SLC12A2: variants seen among roughly 807,000 people sequenced by gnomAD.
The protein encoded by SLC12A2 is Na-K-2Cl cotransporter 1.
In SLC12A2, 67 loss-of-function variants were observed where a neutral mutation model predicts 136.3. The observed-to-expected ratio is 0.49, with a 90% CI of 0.40 to 0.60. SLC12A2 has a LOEUF of 0.60. SLC12A2 is among the 20% of genes least tolerant of loss of function. SLC12A2 has a pLI of 0.00. For missense variants in SLC12A2, 1,322 were observed against 1,534.7 expected (o/e 0.86, Z 2.32); for synonymous variants, 619 against 562.9 (o/e 1.10, Z -1.41).
At chr5:128,180,043 C>T (rs551572043) in intron 22 of SLC12A2, among the ~76,000 whole-genome samples, 2 of 140,824 alleles carry the variant, frequency 1.4e-5, no homozygotes, top group South Asian at 2.3e-4. Flanking sequence ...AATCTCGGCC[C>T]ACTGAAAGCT....
chr5:128,114,181 T>C (rs1359131849), intron 2 of SLC12A2, 31 bp from the exon 3 acceptor site: 1 of 1,489,020 alleles, frequency 6.7e-7, no homozygotes. Context: ...TTCTTCTTCC[T>C]CTGTGTCTTG....
chr5:128,173,976 T>C (rs1581136250), intron 19 of SLC12A2, among the ~76,000 whole-genome samples: 1 of 151,594 alleles, frequency 6.6e-6, no homozygotes, highest in African/African-American at 2.4e-5. Context: ...GTGGGTAGAG[T>C]TTTTCAGTGT....
At chr5:128,126,328 A>G (rs1761794126) in intron 4 of SLC12A2, among the ~76,000 whole-genome samples, 1 of 152,210 alleles carries the variant, frequency 6.6e-6, no homozygotes, top group African/African-American at 2.4e-5. Context: ...AAAGGCACTC[A>G]ACATCACTGG....
intron 10 of SLC12A2, among the ~76,000 whole-genome samples, chr5:128,142,460 A>C (rs1323884220): frequency 3.9e-5 from 6 of 152,124 alleles, no homozygotes; most frequent in Non-Finnish European, 7.4e-5. Context: ...CTAAAATATG[A>C]ATGGATAAAA....
At chr5:128,184,538 A>G (rs750056742) in intron 25 of SLC12A2, 37 bp downstream of exon 25, 3 of 1,503,674 alleles carry the variant, frequency 2.0e-6, no homozygotes, top group East Asian at 2.3e-5. Flanking sequence ...AATCTTTTAT[A>G]TAATAAAAGA....
chr5:128,168,131 C>T (rs1029873454), intron 18 of SLC12A2: 1 of 229,652 alleles, frequency 4.4e-6, no homozygotes, highest in East Asian at 9.1e-5. Context: ...TATATGTATA[C>T]ACTCTGGCTT....
intron 16 of SLC12A2, among the ~76,000 whole-genome samples, chr5:128,158,845 G>T (rs1762944845): frequency 6.8e-6 from 1 of 146,806 alleles, no homozygotes; most frequent in Non-Finnish European, 1.5e-5. Context: ...TCTTTTCTCT[G>T]CAACCTCACC....
chr5:128,121,898 A>G (rs1243785493), intron 4 of SLC12A2, among the ~76,000 whole-genome samples: 1 of 152,156 alleles, frequency 6.6e-6, no homozygotes, highest in Admixed American at 6.5e-5. Flanking sequence ...TGCAACTTGG[A>G]TGGTGCTGGC....
In SLC12A2 at chr5:128,139,337, A is replaced by C. The variant is rs369855383; in HGVS notation, c.1621+429A>C. On this transcript the variant is annotated intron_variant, in intron 9 of 26. Coordinates refer to ENST00000262461, the MANE Select transcript of SLC12A2 (RefSeq NM_001046.3). ...ATTAAGCAATGCTTGGCAATTTTTT[A>C]CTATAAAAACACTGGTTTTGAAGAT... Among the ~76,000 whole-genome samples the C allele has an allele frequency of 6.0e-5, 9 of 151,002 alleles. No homozygotes were observed. The East Asian group carries it at 1.7e-3, about 29-fold the overall frequency.
chr5:128,157,963 T>A, intron 15 of SLC12A2, 90 bp from the exon 16 acceptor site: 1 of 1,024,716 alleles, frequency 9.8e-7, no homozygotes, highest in East Asian at 2.5e-5. Context: ...GACAGTTGTA[T>A]ACAGAAAGCT....
At chr5:128,105,126 A>G (rs1350645540) in intron 1 of SLC12A2, among the ~76,000 whole-genome samples, 1 of 152,266 alleles carries the variant, frequency 6.6e-6, no homozygotes, top group Non-Finnish European at 1.5e-5. Flanking sequence ...CACTGTTTAT[A>G]GTATATTGAC....
In SLC12A2 at chr5:128,133,385, A is replaced by T. The variant is rs368094297; in HGVS notation, c.1189-780A>T. 8.5e-4 allele frequency among the ~76,000 whole-genome samples: 130 copies of T among 152,178 alleles called. 1 individual carries two copies. The highest frequency in any genetic ancestry group is 3.0e-3 in the African/African-American group (125 of 41,566). On this transcript the variant is annotated intron_variant, in intron 5 of 26. Transcript: ENST00000262461. ...AAGGTCATTTATCTGGAATTCAAGT[A>T]ATTTTTTTCCTCCCTTGTAATTGAC... is the stretch of plus-strand genomic sequence containing the variant.
At chr5:128,130,063 A>G (rs1368160702) in intron 4 of SLC12A2, among the ~76,000 whole-genome samples, 4 of 151,426 alleles carry the variant, frequency 2.6e-5, no homozygotes, top group Non-Finnish European at 5.9e-5. Flanking sequence ...TGGTATTCAC[A>G]TTACCACAAA....
intron 1 of SLC12A2, among the ~76,000 whole-genome samples, chr5:128,093,622 C>G (rs778460208): frequency 6.6e-6 from 1 of 152,156 alleles, no homozygotes; most frequent in Non-Finnish European, 1.5e-5. Flanking sequence ...ACACTTTTCT[C>G]TCATTCCCCC....
At chr5:128,175,818 A>G (rs1260586310) in intron 20 of SLC12A2, among the ~76,000 whole-genome samples, 1 of 151,958 alleles carries the variant, frequency 6.6e-6, no homozygotes. Context: ...CATTTCTGAG[A>G]TCTTTTAAAC....
In SLC12A2 at chr5:128,084,478, G is replaced by C. The variant is rs149585221; in HGVS notation, c.524G>C (p.Gly175Ala). 4,296 of 1,610,502 alleles carry C rather than the reference G, an allele frequency of 2.7e-3. 113 individuals carry two copies. Among genetic ancestry groups the C allele is most frequent in the Non-Finnish European group, 4.5e-4 (527 of 1,179,186 alleles). ...CCCAACGTGAGCTTCCAGAACGGCG[G>C]GGACACGGTGCTGAGCGAGGGCAGC... ...DGPNVSFQNG[G>A]DTVLSEGSSL... Residue 175 changes from glycine (G) to alanine (A), a missense_variant, in exon 1 of 27, where the codon GGG becomes GCG. This residue lies in a region of SLC12A2 where 358 missense variants were observed against 299.7 expected (regional missense o/e 1.19). Transcript: ENST00000262461. This position sits in a 1 kb window ranked among gnomAD's most constrained non-coding sequence, Gnocchi z 5.6.
intron 4 of SLC12A2, among the ~76,000 whole-genome samples, chr5:128,115,619 A>G (rs903417910): frequency 2.0e-5 from 3 of 152,252 alleles, no homozygotes; most frequent in Non-Finnish European, 2.9e-5. Context: ...AAAACTCTTC[A>G]GTCAGAGTGA....
intron 10 of SLC12A2, 65 bp from the exon 11 acceptor site, chr5:128,147,557 A>G (rs1018813613): frequency 4.0e-6 from 4 of 1,006,462 alleles, no homozygotes; most frequent in African/African-American, 1.6e-5. Flanking sequence ...TGACCACATA[A>G]TATTGTGTTA....
chr5:128,096,642 A>G (rs748028766), intron 1 of SLC12A2, among the ~76,000 whole-genome samples: 3 of 152,246 alleles, frequency 2.0e-5, no homozygotes, highest in Non-Finnish European at 4.4e-5. Flanking sequence ...GTTTTCTGGC[A>G]AAGCTGGGCA....
Sources: gnomAD v4.1 joint callset for allele counts (sites outside exome capture counted in the v4.1 genomes callset) on GRCh38, gnomAD v4.1.1 for gene constraint, gnomAD v4.1.1 regional missense constraint, Gnocchi (gnomAD v3.1) non-coding constraint, MANE v1.5 for transcripts, NCBI Gene and HGNC (gene_info 2026-07-23, HGNC 2026-07-21) for gene names.